Variants in ACAT2 observed in about 807,000 individuals in gnomAD.
ACAT2 encodes the protein acetyl-CoA acetyltransferase, cytosolic.
Under a neutral mutation model 37.1 loss-of-function variants are expected in ACAT2, and 26 were observed. That is an observed-to-expected ratio of 0.70 (90% CI 0.51 to 0.97). The LOEUF (loss-of-function observed/expected upper bound fraction) is 0.97, where lower values mean the gene tolerates loss of function less well. ACAT2 is among the 50% of genes least tolerant of loss of function. ACAT2 has a pLI of 0.00. For missense variants in ACAT2, 468 were observed against 489.0 expected, an observed-to-expected ratio of 0.96 and a Z score of 0.40; for synonymous variants, 156 against 163.6, an observed-to-expected ratio of 0.95 and a Z score of 0.35.
chr6:159,770,131 G>T (rs1430585900), intron 4 of ACAT2, among the ~76,000 whole-genome samples: 1 of 152,124 alleles, frequency 6.6e-6, no homozygotes, highest in South Asian at 2.1e-4. Context: ...GCCTCAAAAG[G>T]ATCAAGGTGA....
intron 7 of ACAT2, among the ~76,000 whole-genome samples, chr6:159,777,837 C>A (rs1780454404): frequency 6.6e-6 from 1 of 152,196 alleles, no homozygotes; most frequent in South Asian, 2.1e-4. Context: ...TGAGCCACTA[C>A]CCCCAGCCAC....
chr6:159,766,098 A>G (rs1327153737), intron 2 of ACAT2, among the ~76,000 whole-genome samples: 2 of 152,228 alleles, frequency 1.3e-5, no homozygotes, highest in African/African-American at 2.4e-5. Flanking sequence ...AGGAAGTCCC[A>G]TAGTTGAATT....
intron 4 of ACAT2, among the ~76,000 whole-genome samples, chr6:159,772,397 G>C (rs1780351102): frequency 6.6e-6 from 1 of 152,168 alleles, no homozygotes. Context: ...GACAGAGAAA[G>C]AGAACAGAGT....
chr6:159,769,603 T>G (rs913222260), intron 4 of ACAT2, among the ~76,000 whole-genome samples: 2 of 152,220 alleles, frequency 1.3e-5, no homozygotes, highest in African/African-American at 4.8e-5. Flanking sequence ...TGAAAATATA[T>G]AAAGCCACTG....
At chr6:159,770,352 T>C (rs972189583) in intron 4 of ACAT2, among the ~76,000 whole-genome samples, 11 of 152,152 alleles carry the variant, frequency 7.2e-5, no homozygotes, top group Non-Finnish European at 1.2e-4. Context: ...AATTATCAGA[T>C]GAGGATCTTA....
At chr6:159,762,343 A>C in intron 1 of ACAT2, 1 of 1,242,308 alleles carries the variant, frequency 8.0e-7, no homozygotes, top group Non-Finnish European at 1.1e-6. Flanking sequence ...TCCTCTCCCG[A>C]TGTGCGCACT....
chr6:159,772,105 G>T (rs565187832), intron 4 of ACAT2, among the ~76,000 whole-genome samples: 55 of 152,134 alleles, frequency 3.6e-4, no homozygotes, highest in Non-Finnish European at 6.9e-4. Flanking sequence ...GGTGCCTGTA[G>T]TCCCAGCTAC....
At chr6:159,767,690 G>C (rs1374779953) in intron 3 of ACAT2, among the ~76,000 whole-genome samples, 1 of 152,130 alleles carries the variant, frequency 6.6e-6, no homozygotes, top group Non-Finnish European at 1.5e-5. Context: ...ACCTCAAACT[G>C]GCATAGTGGT....
intron 2 of ACAT2, among the ~76,000 whole-genome samples, 160 bp from the exon 3 acceptor site, chr6:159,766,845 G>T (rs1780263111): frequency 6.6e-6 from 1 of 152,250 alleles, no homozygotes; most frequent in South Asian, 2.1e-4. Context: ...GTGACAGGTG[G>T]AGAGTGTATA....
At chr6:159,768,780 T>C in intron 4 of ACAT2, 152 bp downstream of exon 4, 1 of 520,916 alleles carries the variant, frequency 1.9e-6, no homozygotes, top group Admixed American at 3.1e-5. Context: ...GAAGTAAGTA[T>C]TCTCTTCTTT....
chr6:159,774,554 C>G (rs112011395), intron 4 of ACAT2, among the ~76,000 whole-genome samples: 2,436 of 152,236 alleles, frequency 0.016, 75 homozygotes, highest in African/African-American at 0.056. Context: ...ATCCTTCTGC[C>G]TCAGCCTCCC....
chr6:159,772,619 G>C (rs1038558814), intron 4 of ACAT2, among the ~76,000 whole-genome samples: 1 of 152,100 alleles, frequency 6.6e-6, no homozygotes, highest in Non-Finnish European at 1.5e-5. Context: ...AAAGCTTCTA[G>C]AAGTATATAT....
In ACAT2 at chr6:159,771,066, A is replaced by AAAATTAAATTAAATT. The variant is rs146534828; in HGVS notation, c.490+2452_490+2466dup. On this transcript the variant is annotated intron_variant, in intron 4 of 8. Coordinates refer to ENST00000367048, the MANE Select transcript of ACAT2 (RefSeq NM_005891.3). The stretch of plus-strand genomic sequence containing the variant: ...GGTAACAAACAAAACTCTGTCTCAA[A>AAAATTAAATTAAATT]AAATTAAATTAAATTAAATTAAATT... 9.4e-3 allele frequency among the ~76,000 whole-genome samples: 1,405 copies of AAAATTAAATTAAATT among 149,850 alleles called. 17 individuals are homozygous for AAAATTAAATTAAATT. The highest frequency in any genetic ancestry group is 0.023 in the African/African-American group (952 of 40,534).
intron 2 of ACAT2, among the ~76,000 whole-genome samples, chr6:159,764,052 G>A (rs1192849437): frequency 1.3e-5 from 2 of 151,880 alleles, no homozygotes; most frequent in East Asian, 3.9e-4. Flanking sequence ...AGTGAGCTGA[G>A]ATTGTGCCAC....
In ACAT2 at chr6:159,778,285, A is replaced by G. The variant is rs1223642442; in HGVS notation, c.1023+5A>G. ...CTTGGATTAAACCCAGAGAAGGTAA[A>G]GATGCACAAGTAACCCTGAGAGCTT... On this transcript the variant is annotated splice_donor_5th_base_variant and intron_variant, in intron 8 of 8. Transcript: ENST00000367048. 1.7e-5 allele frequency: 27 copies of G among 1,575,750 alleles called. No individual in the cohort carries two copies. Among genetic ancestry groups the G allele is most frequent in the Non-Finnish European group, 2.2e-5 (25 of 1,152,768 alleles).
At chr6:159,766,054 A>T (rs990792838) in intron 2 of ACAT2, among the ~76,000 whole-genome samples, 34 of 152,192 alleles carry the variant, frequency 2.2e-4, no homozygotes, top group Non-Finnish European at 3.1e-4. Context: ...CTTCTGTGCT[A>T]CTTTAAGTAA....
intron 2 of ACAT2, among the ~76,000 whole-genome samples, chr6:159,765,923 G>T (rs890739177): frequency 1.3e-5 from 2 of 152,214 alleles, no homozygotes; most frequent in African/African-American, 2.4e-5. Flanking sequence ...CTCCAAGGAA[G>T]GGTGGTAGGT....
intron 6 of ACAT2, among the ~76,000 whole-genome samples, chr6:159,776,978 G>A (rs1045291235): frequency 2.0e-5 from 3 of 152,120 alleles, no homozygotes; most frequent in Non-Finnish European, 4.4e-5. Context: ...AGTAGAGATG[G>A]CTTTCACCCT....
intron 1 of ACAT2, 140 bp downstream of exon 1, chr6:159,762,282 G>C: frequency 1.6e-6 from 2 of 1,271,828 alleles, no homozygotes; most frequent in Non-Finnish European, 2.1e-6. Flanking sequence ...CGGGATCCCT[G>C]GAACCCTGCG....
Sources: gnomAD v4.1 joint callset for allele counts (sites outside exome capture counted in the v4.1 genomes callset) on GRCh38, gnomAD v4.1.1 for gene constraint, MANE v1.5 for transcripts, NCBI Gene and HGNC (gene_info 2026-07-23, HGNC 2026-07-21) for gene names.